Variants in CLRN3 observed in about 807,000 individuals in gnomAD.
The protein encoded by CLRN3 is clarin-3.
A neutral mutation model predicts 16.7 loss-of-function variants in CLRN3; 12 were observed. The ratio of observed to expected loss-of-function variants is 0.72; its 90% CI spans 0.46 to 1.16. The LOEUF (loss-of-function observed/expected upper bound fraction) is 1.16, where lower values mean the gene tolerates loss of function less well. CLRN3 is among the 50% of genes most tolerant of loss of function. The probability of loss-of-function intolerance (pLI) is 0.00; values close to 1 mark genes in which losing one functional copy is unlikely to be tolerated. For missense variants in CLRN3, 296 were observed against 274.2 expected, an observed-to-expected ratio of 1.08 and a Z score of -0.56; for synonymous variants, 118 against 113.0, an observed-to-expected ratio of 1.04 and a Z score of -0.28.
chr10:127,880,357 G>T (rs1845114061), intron 2 of CLRN3, among the ~76,000 whole-genome samples: 1 of 152,050 alleles, frequency 6.6e-6, no homozygotes, highest in Non-Finnish European at 1.5e-5. Flanking sequence ...GATGCCCAGA[G>T]CCTCTACCTG....
intron 1 of CLRN3, among the ~76,000 whole-genome samples, chr10:127,886,953 C>T (rs908011331): frequency 6.1e-5 from 9 of 148,104 alleles, no homozygotes; most frequent in Admixed American, 1.3e-4. Flanking sequence ...TGGGCAGGGA[C>T]GGGTGGGGCC....
At chr10:127,890,674 CT>C (rs1845247793) in intron 1 of CLRN3, among the ~76,000 whole-genome samples, 1 of 152,086 alleles carries the variant, frequency 6.6e-6, no homozygotes, top group Admixed American at 6.6e-5. Flanking sequence ...TGGTTGGTTT[CT>C]GATTTGAAAA....
chr10:127,882,068 C>A (rs11018386), intron 2 of CLRN3, among the ~76,000 whole-genome samples: 3 of 152,198 alleles, frequency 2.0e-5, no homozygotes, highest in African/African-American at 7.2e-5. Context: ...ATACAAGTAG[C>A]TTAGGCAAGG....
Position 127,877,913 on chromosome 10 carries a change from A to T in CLRN3, c.*236T>A, listed in dbSNP as rs1413234668. The T allele has an allele frequency of 5.7e-6, 3 of 523,064 alleles. No individual in the cohort carries two copies. Among genetic ancestry groups the T allele is most frequent in the Non-Finnish European group, 1.0e-5 (3 of 290,874 alleles). 32.4% of individuals were successfully genotyped at this position (523,064 alleles called of 1,614,324 possible). On this transcript the variant is annotated 3_prime_UTR_variant, in exon 3 of 3. Coordinates refer to ENST00000368671, the MANE Select transcript of CLRN3 (RefSeq NM_152311.5). ...GGTCAGAAGGGTCGTTACGCTCATC[A>T]TGATACTACTGCTTTGAATACCACA... is the stretch of plus-strand genomic sequence containing the variant.
chr10:127,881,165 G>A (rs1055645976), intron 2 of CLRN3, among the ~76,000 whole-genome samples: 1 of 152,152 alleles, frequency 6.6e-6, no homozygotes, highest in African/African-American at 2.4e-5. Context: ...AACCTCTCAG[G>A]TTGTTTTCTG....
chr10:127,883,220 C>G (rs10765176), intron 2 of CLRN3, among the ~76,000 whole-genome samples: 1 of 151,998 alleles, frequency 6.6e-6, no homozygotes, highest in Non-Finnish European at 1.5e-5. Context: ...ACCAAGTGGA[C>G]TCTTGTCATG....
chr10:127,884,728 A>G (rs1488845306), intron 1 of CLRN3, among the ~76,000 whole-genome samples: 1 of 152,214 alleles, frequency 6.6e-6, no homozygotes, highest in African/African-American at 2.4e-5. Context: ...TGCCTTTCTC[A>G]GGCTTCTGAC....
At chr10:127,885,947 G>C (rs569063150) in intron 1 of CLRN3, among the ~76,000 whole-genome samples, 20 of 152,262 alleles carry the variant, frequency 1.3e-4, no homozygotes, top group African/African-American at 4.8e-4. Flanking sequence ...TAGAGATGGG[G>C]TTTGTCCATG....
intron 2 of CLRN3, among the ~76,000 whole-genome samples, chr10:127,878,992 C>T (rs12356114): frequency 0.22 from 34,112 of 152,068 alleles, 3,975 homozygotes; most frequent in Middle Eastern, 0.38. Context: ...GCATATGATG[C>T]CACTGGCAAG....
At chr10:127,879,758 G>A (rs1176780588) in intron 2 of CLRN3, among the ~76,000 whole-genome samples, 2 of 152,178 alleles carry the variant, frequency 1.3e-5, no homozygotes, top group Non-Finnish European at 2.9e-5. Context: ...TGGGTGAATT[G>A]TATGGTGTGT....
At chr10:127,878,926 G>A (rs746149500) in intron 2 of CLRN3, among the ~76,000 whole-genome samples, 116 of 152,100 alleles carry the variant, frequency 7.6e-4, no homozygotes, top group Non-Finnish European at 1.4e-3. Flanking sequence ...AACTGGGTAC[G>A]GAGACTGGGC....
intron 2 of CLRN3, among the ~76,000 whole-genome samples, chr10:127,879,565 C>CA (rs11351712): frequency 0.24 from 35,945 of 147,576 alleles, 4,456 homozygotes; most frequent in Middle Eastern, 0.39. Flanking sequence ...GAGATAGAGA[C>CA]AAAAAAAAAA....
At chr10:127,888,368 C>G (rs1845221377) in intron 1 of CLRN3, among the ~76,000 whole-genome samples, 1 of 152,172 alleles carries the variant, frequency 6.6e-6, no homozygotes, top group Non-Finnish European at 1.5e-5. Flanking sequence ...CTCTACTCTC[C>G]CCATCACAGT....
chr10:127,882,507 C>T (rs1000699834), intron 2 of CLRN3, among the ~76,000 whole-genome samples: 3 of 152,218 alleles, frequency 2.0e-5, no homozygotes, highest in Non-Finnish European at 4.4e-5. Flanking sequence ...TGTGTTTACA[C>T]GATTCCAATC....
rs188405580 is a variant in CLRN3 at position 127,880,880 on chromosome 10, C to T, written c.410-2460G>A. Among the ~76,000 whole-genome samples the T allele has an allele frequency of 2.6e-3, 392 of 152,274 alleles. 1 individual carries two copies. Among genetic ancestry groups the T allele is most frequent in the African/African-American group, 9.2e-3 (384 of 41,556 alleles). On this transcript the variant is annotated intron_variant, in intron 2 of 2. Coordinates refer to ENST00000368671, the MANE Select transcript of CLRN3 (RefSeq NM_152311.5). ...CCAGAAGTCAGTCTGATCATGCTGT[C>T]CCACAGCCATGACCCAAGGCAAGAA...
chr10:127,889,247 A>G (rs1470463676), intron 1 of CLRN3, among the ~76,000 whole-genome samples: 2 of 152,176 alleles, frequency 1.3e-5, no homozygotes, highest in African/African-American at 4.8e-5. Context: ...TCTTGAGCCC[A>G]GGAGGTAGAG....
At chr10:127,882,654 C>T (rs1316353774) in intron 2 of CLRN3, among the ~76,000 whole-genome samples, 1 of 152,208 alleles carries the variant, frequency 6.6e-6, no homozygotes, top group African/African-American at 2.4e-5. Flanking sequence ...AAGGATGACA[C>T]TCAATGGAGG....
At chr10:127,879,000 A>C (rs1845093998) in intron 2 of CLRN3, among the ~76,000 whole-genome samples, 3 of 152,190 alleles carry the variant, frequency 2.0e-5, no homozygotes. Context: ...TGCCACTGGC[A>C]AGTGTCTAAT....
At chr10:127,881,181 C>T (rs947225614) in intron 2 of CLRN3, among the ~76,000 whole-genome samples, 2 of 152,198 alleles carry the variant, frequency 1.3e-5, no homozygotes, top group Non-Finnish European at 2.9e-5. Context: ...TTCTGCCCAC[C>T]TCACAGCCTC....
Sources: allele counts gnomAD v4.1 joint callset (sites outside exome capture counted in the v4.1 genomes callset), GRCh38; gene constraint gnomAD v4.1.1; transcripts MANE v1.5; gene names NCBI Gene and HGNC (gene_info 2026-07-23, HGNC 2026-07-21).